CCNC: variants seen among roughly 807,000 people sequenced by gnomAD.
CCNC encodes cyclin-C.
Under a neutral mutation model 50.0 loss-of-function variants are expected in CCNC, and 19 were observed. That is an observed-to-expected ratio of 0.38 (90% CI 0.27 to 0.56). The LOEUF is 0.56. CCNC is among the 20% of genes least tolerant of loss of function. The pLI, the probability that CCNC is intolerant of heterozygous loss-of-function variation, is 0.72. For missense variants in CCNC, 200 were observed against 327.1 expected (o/e 0.61, Z 3.00); for synonymous variants, 93 against 103.7 (o/e 0.90, Z 0.63).
At chr6:99,564,330 CAGG>C (rs1048780605) in intron 1 of CCNC, among the ~76,000 whole-genome samples, 1 of 148,348 alleles carries the variant, frequency 6.7e-6, no homozygotes, top group African/African-American at 2.5e-5. Context: ...GAGGCGGAGA[CAGG>C]AGAACTGCTT....
intron 2 of CCNC, 164 bp from the exon 3 acceptor site, chr6:99,561,845 T>C (rs1261372444): frequency 6.2e-6 from 3 of 482,862 alleles, no homozygotes; most frequent in African/African-American, 3.9e-5. Flanking sequence ...ATTCTAGGAT[T>C]TGCAAATGTG....
In CCNC at chr6:99,551,921, A is replaced by C. The variant is rs752053894; in HGVS notation, c.347-26T>G. 9 of 1,357,594 alleles carry C rather than the reference A, an allele frequency of 6.6e-6. No homozygotes were observed. The South Asian group carries it at 1.2e-4, about 17-fold the overall frequency. The allele number at this position is 1,357,594 out of a possible 1,614,324, so 84.1% of individuals were successfully genotyped here. On this transcript the variant is annotated intron_variant, in intron 5 of 11. Transcript: ENST00000520429. Reference sequence around the variant, plus strand: ...CTGCAGAAAATAAAAAAAAAATTTAAACTGAGAAAATGGGAAATAAATTAA... The same window carrying C: ...CTGCAGAAAATAAAAAAAAAATTTACACTGAGAAAATGGGAAATAAATTAA...
intron 10 of CCNC, 51 bp from the exon 11 acceptor site, chr6:99,545,281 T>C (rs111233826): frequency 1.1e-6 from 1 of 923,572 alleles, no homozygotes. Flanking sequence ...AGCAACATTT[T>C]TTATATAAAG....
chr6:99,553,671 C>T (rs1802397339), intron 5 of CCNC, among the ~76,000 whole-genome samples: 1 of 152,084 alleles, frequency 6.6e-6, no homozygotes, highest in Admixed American at 6.5e-5. Flanking sequence ...CAAACTCTAC[C>T]TAATTATATT....
At position 99,568,443 on chromosome 6, in the gene CCNC, C is replaced by T; in HGVS notation, c.32+53G>A. ...GCCCAGGGGAGTCACAGGCCCCGTCCTCACAGCTCCCCCAAAAACCGGCCC... is the reference window on the plus strand; with the variant it reads ...GCCCAGGGGAGTCACAGGCCCCGTCTTCACAGCTCCCCCAAAAACCGGCCC... On this transcript the variant is annotated intron_variant, in intron 1 of 11. Transcript: ENST00000520429. 4.5e-6 allele frequency: 7 copies of T among 1,568,460 alleles called. No individual in the cohort carries two copies. In the South Asian group the frequency reaches 6.8e-5, roughly 15 times the overall value.
chr6:99,547,789 T>C (rs1802128853), intron 9 of CCNC, among the ~76,000 whole-genome samples: 1 of 152,154 alleles, frequency 6.6e-6, no homozygotes, highest in Admixed American at 6.5e-5. Context: ...ATAGACAGGC[T>C]CTCTGAGGAT....
intron 9 of CCNC, among the ~76,000 whole-genome samples, chr6:99,547,177 C>T (rs170710): frequency 0.85 from 129,827 of 152,150 alleles, 56,058 homozygotes; most frequent in East Asian, 0.98. Flanking sequence ...AGTTATACTC[C>T]GTGGTCTGGT....
intron 2 of CCNC, 136 bp from the exon 3 acceptor site, chr6:99,561,817 G>A: frequency 1.8e-6 from 1 of 559,504 alleles, no homozygotes. Flanking sequence ...CATGCTCTAT[G>A]TGAGTCACAG....
chr6:99,546,889 T>G (rs1257985501), intron 9 of CCNC, among the ~76,000 whole-genome samples: 1 of 152,258 alleles, frequency 6.6e-6, no homozygotes, highest in Non-Finnish European at 1.5e-5. Flanking sequence ...ATGTTGACTG[T>G]GTTTCCACAT....
intron 5 of CCNC, among the ~76,000 whole-genome samples, chr6:99,553,347 A>T (rs1802381095): frequency 6.6e-6 from 1 of 152,180 alleles, no homozygotes; most frequent in Non-Finnish European, 1.5e-5. Flanking sequence ...CTCTGTATAT[A>T]AAACAAATCT....
intron 9 of CCNC, among the ~76,000 whole-genome samples, chr6:99,546,689 A>G (rs1010017363): frequency 2.0e-5 from 3 of 152,210 alleles, no homozygotes; most frequent in African/African-American, 7.2e-5. Flanking sequence ...TCTGGTCCTC[A>G]CTGCGTGCTA....
intron 11 of CCNC, chr6:99,544,081 C>T (rs1230227977): frequency 4.7e-5 from 64 of 1,365,968 alleles, no homozygotes; most frequent in Middle Eastern, 4.0e-4. Context: ...TACAGCAAAC[C>T]TTTATAAGTC....
At chr6:99,550,969 A>G (rs756227048) in intron 7 of CCNC, 24 bp downstream of exon 7, 1 of 994,962 alleles carries the variant, frequency 1.0e-6, no homozygotes, top group East Asian at 2.9e-5. Flanking sequence ...GTTTTAATCT[A>G]TTAATCACAG....
chr6:99,555,146 T>C (rs1182320295), intron 5 of CCNC, among the ~76,000 whole-genome samples: 1 of 152,262 alleles, frequency 6.6e-6, no homozygotes, highest in Non-Finnish European at 1.5e-5. Flanking sequence ...CTTTATCAAC[T>C]AGAGTACAGT....
intron 1 of CCNC, among the ~76,000 whole-genome samples, chr6:99,564,691 ATTTG>A (rs1251111978): frequency 4.6e-5 from 7 of 151,990 alleles, no homozygotes; most frequent in Admixed American, 3.3e-4. Flanking sequence ...ATAATAAATC[ATTTG>A]TTTGTCAAAT....
chr6:99,565,759 T>C (rs1227713152), intron 1 of CCNC, among the ~76,000 whole-genome samples: 1 of 152,024 alleles, frequency 6.6e-6, no homozygotes, highest in Non-Finnish European at 1.5e-5. Context: ...TACTGCTTGA[T>C]TTCTTAATAT....
chr6:99,544,341 T>A, intron 11 of CCNC: 1 of 1,441,690 alleles, frequency 6.9e-7, no homozygotes, highest in Non-Finnish European at 9.3e-7. Flanking sequence ...AATAAAGTAT[T>A]AACTTTTTCC....
At chr6:99,564,150 C>T (rs986345335) in intron 1 of CCNC, among the ~76,000 whole-genome samples, 19 of 152,046 alleles carry the variant, frequency 1.2e-4, no homozygotes, top group South Asian at 2.1e-4. Flanking sequence ...CCTGGCCGGG[C>T]GCGGTGGCTC....
chr6:99,546,513 G>GCAAA (rs1802076715), intron 9 of CCNC, 39 bp from the exon 10 acceptor site: 1 of 1,243,784 alleles, frequency 8.0e-7, no homozygotes. Flanking sequence ...ATGTTTAACT[G>GCAAA]CAAACACAGA....
Sources: gnomAD v4.1 joint callset for allele counts (sites outside exome capture counted in the v4.1 genomes callset) on GRCh38, gnomAD v4.1.1 for gene constraint, MANE v1.5 for transcripts, NCBI Gene and HGNC (gene_info 2026-07-23, HGNC 2026-07-21) for gene names.